SCAPER: variants seen among roughly 807,000 people sequenced by gnomAD.
SCAPER encodes the protein S phase cyclin A-associated protein in the endoplasmic reticulum.
A neutral mutation model predicts 182.2 loss-of-function variants in SCAPER; 98 were observed. The observed-to-expected ratio is 0.54, with a 90% CI of 0.46 to 0.64. The LOEUF (loss-of-function observed/expected upper bound fraction) is 0.64. Among genes scored for constraint, SCAPER ranks in the 30% least tolerant of loss-of-function variants. The pLI, the probability that SCAPER is intolerant of heterozygous loss-of-function variation, is 0.00. For missense variants in SCAPER, 1,432 were observed against 1,690.0 expected, an observed-to-expected ratio of 0.85 and a Z score of 2.68; for synonymous variants, 605 against 564.6, an observed-to-expected ratio of 1.07 and a Z score of -1.01.
intron 26 of SCAPER, among the ~76,000 whole-genome samples, chr15:76,424,567 A>T (rs1364965231): frequency 6.6e-6 from 1 of 152,088 alleles, no homozygotes; most frequent in Non-Finnish European, 1.5e-5. Flanking sequence ...CTTGACTCTT[A>T]TCCAATTTGC....
intron 8 of SCAPER, among the ~76,000 whole-genome samples, chr15:76,791,218 T>G (rs1342825284): frequency 6.6e-6 from 1 of 152,238 alleles, no homozygotes; most frequent in Non-Finnish European, 1.5e-5. Context: ...GTTTCAATTT[T>G]GGTAAATGTT....
intron 25 of SCAPER, among the ~76,000 whole-genome samples, chr15:76,449,790 A>C (rs1596683655): frequency 6.6e-6 from 1 of 152,278 alleles, no homozygotes; most frequent in Middle Eastern, 3.4e-3. Context: ...TTCCTTAATG[A>C]AACTTTCTCC....
intron 21 of SCAPER, among the ~76,000 whole-genome samples, chr15:76,629,235 T>C (rs897279453): frequency 3.3e-5 from 5 of 152,234 alleles, no homozygotes; most frequent in Non-Finnish European, 5.9e-5. Flanking sequence ...CTCTTCCTAT[T>C]TGAATACACT....
At chr15:76,638,753 C>T (rs1186183219) in intron 21 of SCAPER, among the ~76,000 whole-genome samples, 1 of 152,150 alleles carries the variant, frequency 6.6e-6, no homozygotes, top group Non-Finnish European at 1.5e-5. Flanking sequence ...AATTATTGGT[C>T]ATTGCTGTAT....
chr15:76,664,185 G>C (rs1235125375), intron 21 of SCAPER, among the ~76,000 whole-genome samples: 1 of 152,142 alleles, frequency 6.6e-6, no homozygotes, highest in Non-Finnish European at 1.5e-5. Flanking sequence ...CATTTTAGCA[G>C]GTCTGTTGTG....
chr15:76,389,441 C>T (rs1273744121), intron 27 of SCAPER, among the ~76,000 whole-genome samples: 1 of 123,960 alleles, frequency 8.1e-6, no homozygotes, highest in African/African-American at 3.1e-5. Flanking sequence ...GTGGAGGTTG[C>T]AGTGAGCCGA....
At chr15:76,645,544 G>C (rs1008967031) in intron 21 of SCAPER, among the ~76,000 whole-genome samples, 1 of 146,422 alleles carries the variant, frequency 6.8e-6, no homozygotes, top group African/African-American at 2.5e-5. Flanking sequence ...TTTTTGGTTT[G>C]TATGTATTTA....
Position 76,504,959 on chromosome 15 carries a change from T to A in SCAPER, c.2854A>T (p.Ile952Phe), listed in dbSNP as rs777153974. 5.0e-6 allele frequency: 8 copies of A among 1,612,232 alleles called. No homozygotes were observed. Among genetic ancestry groups the A allele is most frequent in the Non-Finnish European group, 6.8e-6 (8 of 1,179,260 alleles). ...AATCCACCAGCAGCTTGAAATGCAA[T>A]CTGATCTGCCACATTCTAGACAGAA... ...ILEKENVADQ[I>F]AFQAAGGLTA... The change falls in exon 24 of 32, where the codon ATT (isoleucine) becomes TTT (phenylalanine). Residue 952 changes from isoleucine (I) to phenylalanine (F), a missense_variant. By Grantham distance (21) the Ile-to-Phe change is conservative. This residue lies in a region of SCAPER where 718 missense variants were observed against 799.7 expected (regional missense o/e 0.90). Transcript: ENST00000563290.
At chr15:76,625,891 G>A (rs1420793676) in intron 21 of SCAPER, among the ~76,000 whole-genome samples, 3 of 152,062 alleles carry the variant, frequency 2.0e-5, no homozygotes, top group Non-Finnish European at 4.4e-5. Flanking sequence ...TCTGGCTTTA[G>A]GTCAGGGTGT....
intron 15 of SCAPER, among the ~76,000 whole-genome samples, chr15:76,744,682 T>C (rs541047200): frequency 3.9e-5 from 6 of 152,304 alleles, no homozygotes; most frequent in Admixed American, 3.9e-4. Flanking sequence ...ACACTGTTGG[T>C]GGGAATGTAA....
chr15:76,766,898 TAA>T lies in SCAPER; in HGVS notation c.1419+18_1419+19del, dbSNP rs1434826312. 1.1e-5 allele frequency: 18 copies of T among 1,575,556 alleles called. No individual in the cohort carries two copies. The highest frequency in any genetic ancestry group is 1.5e-5 in the Non-Finnish European group (18 of 1,168,170). ...AAATATAAATTTTGAATAGTTATGT[TAA>T]AAAGTCTAAAAGCTCACAGAAAAAT... On this transcript the variant is annotated intron_variant, in intron 11 of 31. Transcript: ENST00000563290.
At chr15:76,530,003 A>G (rs922062868) in intron 23 of SCAPER, among the ~76,000 whole-genome samples, 1 of 152,202 alleles carries the variant, frequency 6.6e-6, no homozygotes, top group Non-Finnish European at 1.5e-5. Flanking sequence ...ACAGCTTATT[A>G]TATTTTAACC....
At chr15:76,789,727 C>T (rs188078600) in intron 8 of SCAPER, among the ~76,000 whole-genome samples, 1 of 152,126 alleles carries the variant, frequency 6.6e-6, no homozygotes, top group Non-Finnish European at 1.5e-5. Context: ...AAGGTTAGGA[C>T]AGAGTACACA....
intron 22 of SCAPER, among the ~76,000 whole-genome samples, chr15:76,584,665 C>A (rs1259362779): frequency 6.6e-6 from 1 of 152,120 alleles, no homozygotes; most frequent in Non-Finnish European, 1.5e-5. Flanking sequence ...AGCCTTTAAT[C>A]TTCAAATCTT....
intron 23 of SCAPER, among the ~76,000 whole-genome samples, chr15:76,553,475 AT>A (rs2045945202): frequency 6.6e-6 from 1 of 152,194 alleles, no homozygotes. Context: ...ACAGCTGATG[AT>A]GTGCATCTTG....
At chr15:76,741,625 A>T (rs1360533199) in intron 15 of SCAPER, among the ~76,000 whole-genome samples, 1 of 152,064 alleles carries the variant, frequency 6.6e-6, no homozygotes, top group Non-Finnish European at 1.5e-5. Context: ...TATACATAGG[A>T]CTCCAAAGAA....
intron 23 of SCAPER, among the ~76,000 whole-genome samples, chr15:76,572,919 T>TCACACACACACACACACA (rs58395846): frequency 1.0e-3 from 141 of 135,250 alleles, no homozygotes; most frequent in African/African-American, 3.9e-3. Context: ...TCTCTCTCTC[T>TCACACACACACACACACA]CACACACACA....
intron 23 of SCAPER, among the ~76,000 whole-genome samples, chr15:76,511,881 ATATAT>A (rs1249067505): frequency 6.1e-5 from 5 of 82,064 alleles, no homozygotes; most frequent in East Asian, 4.7e-4. Context: ...GTATATATAT[ATATAT>A]TTTTTTTTTT....
intron 15 of SCAPER, among the ~76,000 whole-genome samples, chr15:76,752,477 C>T (rs1568015257): frequency 6.6e-6 from 1 of 151,700 alleles, no homozygotes; most frequent in Non-Finnish European, 1.5e-5. Context: ...GTAGTAATAA[C>T]TCAAATGTCC....
Sources: allele counts gnomAD v4.1 joint callset (sites outside exome capture counted in the v4.1 genomes callset), GRCh38; gene constraint gnomAD v4.1.1; regional missense constraint gnomAD v4.1.1; transcripts MANE v1.5; gene names NCBI Gene and HGNC (gene_info 2026-07-23, HGNC 2026-07-21).